ARID5B: variants seen among roughly 807,000 people sequenced by gnomAD.
ARID5B encodes AT-rich interaction domain 5B.
A neutral mutation model predicts 97.2 loss-of-function variants in ARID5B; 13 were observed. The ratio of observed to expected loss-of-function variants is 0.13; its 90% CI spans 0.09 to 0.21. The LOEUF (loss-of-function observed/expected upper bound fraction) is 0.21. Ranked by LOEUF, ARID5B falls within the 10% of genes least tolerant of loss-of-function variation. ARID5B has a pLI of 1.00. For missense variants in ARID5B, 1,210 were observed against 1,465.3 expected, an observed-to-expected ratio of 0.83 and a Z score of 2.84; for synonymous variants, 556 against 570.3, an observed-to-expected ratio of 0.97 and a Z score of 0.36.
chr10:61,985,631 T>G (rs1838836390), intron 3 of ARID5B, among the ~76,000 whole-genome samples: 1 of 152,066 alleles, frequency 6.6e-6, no homozygotes, highest in Admixed American at 6.5e-5. Context: ...ATGGTTGCAT[T>G]GTGAGTGTCC....
In ARID5B at chr10:61,902,689, G is replaced by A. The variant is rs553926716; in HGVS notation, c.276+276G>A. 4.3e-3 allele frequency among the ~76,000 whole-genome samples: 653 copies of A among 150,462 alleles called. 10 individuals carry two copies. Among genetic ancestry groups the A allele is most frequent in the African/African-American group, 0.015 (616 of 41,142 alleles). ...TGTTCAAGGATGTGTGTGTGTGTGT[G>A]TGTGTGTGTGTGTATGTGTGTGTGT... On this transcript the variant is annotated intron_variant, in intron 2 of 9. Transcript: ENST00000279873.
intron 3 of ARID5B, among the ~76,000 whole-genome samples, chr10:61,945,469 C>T (rs77313028): frequency 0.049 from 7,507 of 152,178 alleles, 246 homozygotes; most frequent in East Asian, 0.12. Context: ...CACAACTGTT[C>T]AACCAAATGG....
chr10:61,936,406 T>C (rs1214470381), intron 2 of ARID5B, among the ~76,000 whole-genome samples: 2 of 152,142 alleles, frequency 1.3e-5, no homozygotes, highest in African/African-American at 4.8e-5. Flanking sequence ...TCACCAGAGG[T>C]CAGGAGTTCG....
chr10:61,930,219 A>G (rs1297212640), intron 2 of ARID5B, among the ~76,000 whole-genome samples: 1 of 152,262 alleles, frequency 6.6e-6, no homozygotes, highest in Non-Finnish European at 1.5e-5. Context: ...GAAATTGAAT[A>G]AAGCAAAGAA....
chr10:62,002,687 TC>T (rs1185265458), intron 4 of ARID5B, among the ~76,000 whole-genome samples: 1 of 152,198 alleles, frequency 6.6e-6, no homozygotes, highest in Middle Eastern at 3.2e-3. Flanking sequence ...GCATTGAGTT[TC>T]TCCAACCAAC....
chr10:61,995,967 A>G (rs531158519), intron 3 of ARID5B, among the ~76,000 whole-genome samples: 5 of 152,304 alleles, frequency 3.3e-5, no homozygotes, highest in African/African-American at 1.2e-4. Context: ...CATAAGCAAC[A>G]AAGTTATCAT....
chr10:61,923,543 A>T (rs532131069), intron 2 of ARID5B, among the ~76,000 whole-genome samples: 1 of 152,184 alleles, frequency 6.6e-6, no homozygotes, highest in Non-Finnish European at 1.5e-5. Flanking sequence ...AAAATCACTT[A>T]TGACCATTTT....
chr10:62,081,583 CAT>C (rs1369526978), intron 8 of ARID5B, among the ~76,000 whole-genome samples: 2 of 152,176 alleles, frequency 1.3e-5, no homozygotes, highest in Non-Finnish European at 2.9e-5. Flanking sequence ...ATGATGAGGA[CAT>C]GTGTGATACA....
chr10:61,913,555 G>C (rs1473025358), intron 2 of ARID5B, among the ~76,000 whole-genome samples: 2 of 152,194 alleles, frequency 1.3e-5, no homozygotes, highest in East Asian at 3.9e-4. Context: ...CTGGTCGGCT[G>C]TTTTGTGGGG....
At chr10:61,951,894 T>C (rs1237310977) in intron 3 of ARID5B, among the ~76,000 whole-genome samples, 1 of 152,190 alleles carries the variant, frequency 6.6e-6, no homozygotes, top group African/African-American at 2.4e-5. Flanking sequence ...TATCCTATAC[T>C]GGGTTTTTTT....
intron 8 of ARID5B, 126 bp downstream of exon 8, chr10:62,069,923 T>C: frequency 1.2e-6 from 1 of 820,172 alleles, no homozygotes; most frequent in South Asian, 1.7e-5. Flanking sequence ...CTCTGGCATT[T>C]TACTTTGCAT....
At chr10:62,025,947 T>C (rs1195055386) in intron 4 of ARID5B, among the ~76,000 whole-genome samples, 1 of 152,154 alleles carries the variant, frequency 6.6e-6, no homozygotes, top group African/African-American at 2.4e-5. Flanking sequence ...ATCTGGTGAA[T>C]ACACACCAAA....
At chr10:61,978,519 G>A (rs1838732582) in intron 3 of ARID5B, among the ~76,000 whole-genome samples, 1 of 152,074 alleles carries the variant, frequency 6.6e-6, no homozygotes, top group African/African-American at 2.4e-5. Flanking sequence ...ATTTGTTTGT[G>A]TCCTCTTTTA....
At chr10:62,035,597 T>G (rs770683349) in intron 4 of ARID5B, among the ~76,000 whole-genome samples, 9 of 151,978 alleles carry the variant, frequency 5.9e-5, no homozygotes, top group Admixed American at 1.3e-4. Context: ...TTTAAGTGAT[T>G]CTCCTGTCCC....
intron 7 of ARID5B, among the ~76,000 whole-genome samples, chr10:62,062,590 A>G (rs1335120902): frequency 6.6e-6 from 1 of 152,176 alleles, no homozygotes; most frequent in Non-Finnish European, 1.5e-5. Context: ...TCATGCCATT[A>G]CTACAGAAAC....
At position 61,940,263 on chromosome 10, in the gene ARID5B, G is replaced by GC; in HGVS notation, c.357_358insC (p.Trp120LeufsTer13). 1 of 1,614,224 alleles carries GC rather than the reference G, an allele frequency of 6.2e-7. No homozygotes were observed. On this transcript the variant is annotated frameshift_variant, in exon 3 of 10. Transcript: ENST00000279873. LOFTEE classifies it high-confidence loss of function. ...AGTGGGTACATTCTGATTTCTCCAAGTGGAGATGTGGCTTCCACGCTGGAC... is the reference window on the plus strand; with the variant it reads ...AGTGGGTACATTCTGATTTCTCCAAGCTGGAGATGTGGCTTCCACGCTGGAC...
At chr10:62,038,880 T>C (rs533041294) in intron 4 of ARID5B, among the ~76,000 whole-genome samples, 1 of 152,288 alleles carries the variant, frequency 6.6e-6, no homozygotes, top group South Asian at 2.1e-4. Flanking sequence ...AAGCTAGAAA[T>C]GGTTTTAATA....
intron 2 of ARID5B, among the ~76,000 whole-genome samples, chr10:61,914,589 C>G (rs1041597129): frequency 1.3e-5 from 2 of 152,288 alleles, no homozygotes; most frequent in African/African-American, 4.8e-5. Flanking sequence ...GTATTCACAG[C>G]CCAGAGAAAA....
At chr10:62,058,424 A>G (rs1839883463) in intron 6 of ARID5B, among the ~76,000 whole-genome samples, 1 of 152,210 alleles carries the variant, frequency 6.6e-6, no homozygotes, top group Non-Finnish European at 1.5e-5. Flanking sequence ...AATCACTTGA[A>G]GTTCAATTTT....
Sources: gnomAD v4.1 joint callset for allele counts (sites outside exome capture counted in the v4.1 genomes callset) on GRCh38, gnomAD v4.1.1 for gene constraint, MANE v1.5 for transcripts, NCBI Gene and HGNC (gene_info 2026-07-23, HGNC 2026-07-21) for gene names.